CARD8: variants seen among roughly 807,000 people sequenced by gnomAD.
The protein encoded by CARD8 is caspase recruitment domain family member 8.
CARD8 carries 38 observed loss-of-function variants against 53.2 expected under a neutral mutation model. The observed-to-expected ratio is 0.71, with a 90% confidence interval of 0.55 to 0.94. The LOEUF is 0.94. CARD8 is among the 40% of genes least tolerant of loss of function. The pLI is 0.00. For missense variants in CARD8, 561 were observed against 655.5 expected, an observed-to-expected ratio of 0.86 and a Z score of 1.57; for synonymous variants, 245 against 244.9, an observed-to-expected ratio of 1.00 and a Z score of 0.00.
chr19:48,232,099 C>T, intron 7 of CARD8: 1 of 551,834 alleles, frequency 1.8e-6, no homozygotes, highest in Non-Finnish European at 3.3e-6. Flanking sequence ...AACCAATGCA[C>T]CTACATTTCT....
chr19:48,238,226 T>C, intron 5 of CARD8, 157 bp downstream of exon 5: 5 of 1,323,166 alleles, frequency 3.8e-6, no homozygotes, highest in South Asian at 3.2e-5. Flanking sequence ...ACAAACTCTT[T>C]TGAAATAAAA....
intron 13 of CARD8, chr19:48,212,965 G>C (rs567548039): frequency 6.6e-6 from 1 of 152,202 alleles, no homozygotes; most frequent in Non-Finnish European, 1.5e-5. Flanking sequence ...TTTTCTCCCA[G>C]TGGTCTGTTT....
At chr19:48,223,898 T>A (rs1164304807) in intron 10 of CARD8, 1 of 456,268 alleles carries the variant, frequency 2.2e-6, no homozygotes, top group Non-Finnish European at 4.4e-6. Context: ...CAACAAATAT[T>A]TATTGGATGA....
intron 10 of CARD8, among the ~76,000 whole-genome samples, chr19:48,223,171 G>GT (rs2041029680): frequency 6.6e-6 from 1 of 152,012 alleles, no homozygotes. Context: ...GGGCGTGGTG[G>GT]TGAGTGCCTA....
chr19:48,214,811 G>A (rs968980548), intron 13 of CARD8, among the ~76,000 whole-genome samples: 35 of 97,524 alleles, frequency 3.6e-4, no homozygotes, highest in African/African-American at 1.4e-3. Flanking sequence ...TTTGTAGACC[G>A]AGAGTCTTGC....
At position 48,231,758 on chromosome 19, in the gene CARD8, G is replaced by GAC; in HGVS notation, c.442_443dup (p.Cys149SerfsTer25). 2 of 1,609,158 alleles carry GAC rather than the reference G, an allele frequency of 1.2e-6. No individual in the cohort carries two copies. The highest frequency in any genetic ancestry group is 1.1e-5 in the South Asian group (1 of 90,842). On this transcript the variant is annotated frameshift_variant, in exon 8 of 14. Coordinates refer to ENST00000651546, the MANE Select transcript of CARD8 (RefSeq NM_001184900.3). LOFTEE classifies it high-confidence loss of function. ...TATAATCTTCTTCGATCTCAAAACA[G>GAC]ACTTTAGAAGCATAAGAGGAAACTA...
Position 48,221,844 on chromosome 19 carries a change from A to G in CARD8, c.1047T>C (p.Asp349=), listed in dbSNP as rs1323343895. The change falls in exon 11 of 14, where the codon GAT becomes GAC. Residue 349 remains aspartate (D), a synonymous_variant. Transcript: ENST00000651546. Reference sequence around the variant, plus strand: ...GCACACCATGGAAGCGATCTTCCTCATCATCTATCGCCTAAGGAAGAAGGG... The same window carrying G: ...GCACACCATGGAAGCGATCTTCCTCGTCATCTATCGCCTAAGGAAGAAGGG... ...SDALLTKAID[D]EEDRFHGVRL... 2.2e-5 allele frequency: 35 copies of G among 1,601,592 alleles called. No individual in the cohort carries two copies. Among genetic ancestry groups the G allele is most frequent in the Non-Finnish European group, 2.6e-5 (31 of 1,172,136 alleles).
At chr19:48,229,756 G>C (rs905726399) in intron 10 of CARD8, among the ~76,000 whole-genome samples, 2 of 152,196 alleles carry the variant, frequency 1.3e-5, no homozygotes, top group African/African-American at 4.8e-5. Context: ...TACTGAACAG[G>C]AGGAGGGTTA....
downstream of CARD8, among the ~76,000 whole-genome samples, chr19:48,206,910 G>T (rs190911509): frequency 7.9e-4 from 121 of 152,226 alleles, no homozygotes; most frequent in Admixed American, 3.4e-3. Flanking sequence ...GACAAGTGTG[G>T]AGGCTTTCCT....
chr19:48,212,370 G>A (rs1436627377), intron 13 of CARD8, among the ~76,000 whole-genome samples: 1 of 152,210 alleles, frequency 6.6e-6, no homozygotes, highest in Admixed American at 6.5e-5. Flanking sequence ...TAGAGGTATG[G>A]AGAAGGATTC....
intron 12 of CARD8, among the ~76,000 whole-genome samples, chr19:48,215,858 T>C (rs1016042521): frequency 6.6e-6 from 1 of 152,212 alleles, no homozygotes; most frequent in Non-Finnish European, 1.5e-5. Flanking sequence ...AAATTTCCCA[T>C]GATGCCTTCA....
intron 1 of CARD8, among the ~76,000 whole-genome samples, chr19:48,253,007 C>T (rs1311911614): frequency 6.6e-6 from 1 of 152,148 alleles, no homozygotes; most frequent in African/African-American, 2.4e-5. Flanking sequence ...TCCACAAATA[C>T]ATTTTGCACA....
At chr19:48,228,067 G>T (rs937273286) in intron 10 of CARD8, among the ~76,000 whole-genome samples, 1 of 152,182 alleles carries the variant, frequency 6.6e-6, no homozygotes, top group Non-Finnish European at 1.5e-5. Flanking sequence ...TCATACGAGC[G>T]TGAACCCTGC....
rs2043097924 is a variant in CARD8, at chr19:48,232,503, G to A, written c.351-10C>T. On this transcript the variant is annotated splice_polypyrimidine_tract_variant and intron_variant, in intron 6 of 13. Coordinates refer to ENST00000651546, the MANE Select transcript of CARD8 (RefSeq NM_001184900.3). Reference sequence around the variant, plus strand: ...CTGCTCTTCTGATACACTGGAGGTTGGGATCCCCATGTTACAAAAAGATGA... The same window carrying A: ...CTGCTCTTCTGATACACTGGAGGTTAGGATCCCCATGTTACAAAAAGATGA... 6.5e-7 allele frequency: 1 copy of A among 1,535,066 alleles called. No homozygotes were observed.
At chr19:48,237,444 C>T (rs908224213) in intron 5 of CARD8, among the ~76,000 whole-genome samples, 2 of 152,080 alleles carry the variant, frequency 1.3e-5, no homozygotes, top group Non-Finnish European at 2.9e-5. Flanking sequence ...AACACTCCAT[C>T]ACATTTCAGC....
chr19:48,204,263 G>C (rs562159589), downstream of CARD8: 23 of 448,428 alleles, frequency 5.1e-5, no homozygotes, highest in African/African-American at 4.6e-4. Context: ...AAGGAGACGG[G>C]GATTAGAGAC....
At chr19:48,228,674 C>A (rs2042249570) in intron 10 of CARD8, among the ~76,000 whole-genome samples, 1 of 152,054 alleles carries the variant, frequency 6.6e-6, no homozygotes, top group Non-Finnish European at 1.5e-5. Context: ...CAGTCAAGGA[C>A]AGCATTTCCA....
chr19:48,228,555 G>T (rs1051021625), intron 10 of CARD8, among the ~76,000 whole-genome samples: 1 of 152,188 alleles, frequency 6.6e-6, no homozygotes, highest in African/African-American at 2.4e-5. Context: ...AGAGATCTGG[G>T]AACAGAGTGA....
In CARD8 at chr19:48,211,103, G is replaced by A. The variant is rs996557056; in HGVS notation, c.*607C>T. 1 of 152,310 alleles carries A rather than the reference G, an allele frequency of 6.6e-6. No homozygotes were observed. Among genetic ancestry groups the A allele is most frequent in the Non-Finnish European group, 1.5e-5 (1 of 68,102 alleles). 9.4% of individuals were successfully genotyped at this position (152,310 alleles called of 1,614,324 possible). On this transcript the variant is annotated 3_prime_UTR_variant, in exon 14 of 14. Transcript: ENST00000651546. ...TCCTTGTAGCAGGCTACACACCAGT[G>A]GGAAAATATTTTCTGCTCATGTTTG...
Sources: allele counts gnomAD v4.1 joint callset (sites outside exome capture counted in the v4.1 genomes callset), GRCh38; gene constraint gnomAD v4.1.1; transcripts MANE v1.5; gene names NCBI Gene and HGNC (gene_info 2026-07-23, HGNC 2026-07-21).